The following OSBPL9 variants were observed in gnomAD, a reference collection of about 807,000 sequenced individuals.
OSBPL9 encodes the protein oxysterol binding protein like 9, also known as oxysterol-binding protein-related protein 9.
Under a neutral mutation model 106.6 loss-of-function variants are expected in OSBPL9, and 40 were observed. The ratio of observed to expected loss-of-function variants is 0.38; its 90% confidence interval spans 0.29 to 0.49. The LOEUF is 0.49. Ranked by LOEUF, OSBPL9 falls within the 20% of genes least tolerant of loss-of-function variation. OSBPL9 has a pLI of 0.97. For synonymous variants in OSBPL9, 269 were observed against 295.4 expected, an observed-to-expected ratio of 0.91 and a Z score of 0.92; for missense variants, 609 against 887.2, an observed-to-expected ratio of 0.69 and a Z score of 3.98.
intron 2 of OSBPL9, among the ~76,000 whole-genome samples, chr1:51,653,753 C>A (rs933014410): frequency 6.6e-6 from 1 of 152,210 alleles, no homozygotes; most frequent in Non-Finnish European, 1.5e-5. Flanking sequence ...AATCCCAACA[C>A]TGGGAGACCG....
the OSBPL9 span, among the ~76,000 whole-genome samples, chr1:51,544,461 T>C: frequency 6.6e-6 from 1 of 152,222 alleles, no homozygotes; most frequent in Non-Finnish European, 1.5e-5. Context: ...TAACCCTTGC[T>C]TCAGCAACAT....
At chr1:51,698,954 G>A (rs1656668847) in intron 3 of OSBPL9, among the ~76,000 whole-genome samples, 1 of 152,066 alleles carries the variant, frequency 6.6e-6, no homozygotes, top group Non-Finnish European at 1.5e-5. Context: ...TTTTCTATTA[G>A]ATCCATTAGA....
At chr1:51,544,562 G>C in the OSBPL9 span, among the ~76,000 whole-genome samples, 1 of 152,072 alleles carries the variant, frequency 6.6e-6, no homozygotes, top group Admixed American at 6.6e-5. Flanking sequence ...TGTTGAGAGA[G>C]AGAAGCTCTC....
At chr1:51,673,159 G>T (rs868819359) in intron 3 of OSBPL9, among the ~76,000 whole-genome samples, 4 of 152,196 alleles carry the variant, frequency 2.6e-5, no homozygotes, top group African/African-American at 4.8e-5. Context: ...CCAAATGAAT[G>T]TGGTACTTTG....
chr1:51,775,185 T>C (rs1674772240), intron 14 of OSBPL9, among the ~76,000 whole-genome samples: 1 of 152,220 alleles, frequency 6.6e-6, no homozygotes, highest in Non-Finnish European at 1.5e-5. Flanking sequence ...ATTTAAATGC[T>C]GAGAGTCTGA....
At chr1:51,674,790 G>A (rs772593733) in intron 3 of OSBPL9, among the ~76,000 whole-genome samples, 3 of 152,134 alleles carry the variant, frequency 2.0e-5, no homozygotes, top group Non-Finnish European at 4.4e-5. Context: ...TCAGTATTGA[G>A]TCCAGTAACA....
rs1030731531 is a variant in OSBPL9 at position 51,607,162 on chromosome 1, T to C, written c.-352-7143T>C. Reference sequence around the variant, plus strand: ...CAGATGTTTTTCTTTTCTTTTCTTTTTCTTTTTTTTTTTTTTTTTGAGACA... The same window carrying C: ...CAGATGTTTTTCTTTTCTTTTCTTTCTCTTTTTTTTTTTTTTTTTGAGACA... On this transcript the variant is annotated intron_variant, in intron 2 of 25. Transcript: ENST00000371714. Among the ~76,000 whole-genome samples the C allele has an allele frequency of 1.2e-3, 175 of 150,280 alleles. 1 individual carries two copies. Among genetic ancestry groups the C allele is most frequent in the African/African-American group, 4.0e-3 (165 of 40,876 alleles).
chr1:51,567,949 C>T, the OSBPL9 span: 3 of 152,210 alleles, frequency 2.0e-5, no homozygotes, highest in Non-Finnish European at 4.4e-5. Flanking sequence ...ATCAGAGTCC[C>T]AGCAGGATAT....
the OSBPL9 span, among the ~76,000 whole-genome samples, chr1:51,552,299 T>C: frequency 6.6e-6 from 1 of 152,216 alleles, no homozygotes; most frequent in Non-Finnish European, 1.5e-5. Context: ...GAACAGGTAC[T>C]CAAGTACTTG....
At chr1:51,645,740 T>A (rs887411351) in intron 1 of OSBPL9, among the ~76,000 whole-genome samples, 1 of 152,216 alleles carries the variant, frequency 6.6e-6, no homozygotes, top group East Asian at 1.9e-4. Context: ...CGTTTTTACC[T>A]AAGAACTTAA....
chr1:51,784,414 C>A, intron 19 of OSBPL9, 28 bp from the exon 20 acceptor site: 1 of 1,613,744 alleles, frequency 6.2e-7, no homozygotes, highest in Non-Finnish European at 8.5e-7. Context: ...TAACTGTCAA[C>A]CTTACCTAAA....
intron 2 of OSBPL9, among the ~76,000 whole-genome samples, chr1:51,609,201 T>C (rs1643968766): frequency 6.6e-6 from 1 of 152,164 alleles, no homozygotes; most frequent in Admixed American, 6.5e-5. Flanking sequence ...TAATTATTGA[T>C]TCTTAATCTT....
At chr1:51,571,781 C>T in the OSBPL9 span, among the ~76,000 whole-genome samples, 1 of 152,200 alleles carries the variant, frequency 6.6e-6, no homozygotes, top group Non-Finnish European at 1.5e-5. Flanking sequence ...AGGCAAAGAG[C>T]ACCGAACCTG....
chr1:51,621,632 T>A (rs1392413989), intron 1 of OSBPL9, among the ~76,000 whole-genome samples: 1 of 152,218 alleles, frequency 6.6e-6, no homozygotes, highest in Non-Finnish European at 1.5e-5. Flanking sequence ...TTTCCTAGAA[T>A]GTCGCAAACA....
At chr1:51,689,196 GGT>G (rs781779628) in intron 3 of OSBPL9, among the ~76,000 whole-genome samples, 10 of 152,122 alleles carry the variant, frequency 6.6e-5, no homozygotes, top group South Asian at 2.1e-4. Context: ...AATCAGTCAT[GGT>G]AATTTCTTAT....
chr1:51,673,716 A>G (rs1028377782), intron 3 of OSBPL9, among the ~76,000 whole-genome samples: 13 of 152,180 alleles, frequency 8.5e-5, no homozygotes, highest in African/African-American at 1.4e-4. Flanking sequence ...TAAAAAATCT[A>G]TAGGAACTGG....
chr1:51,580,345 A>G (rs985989370), intron 1 of OSBPL9, among the ~76,000 whole-genome samples: 5 of 152,264 alleles, frequency 3.3e-5, no homozygotes, highest in African/African-American at 1.2e-4. Flanking sequence ...TTCTGTGCAG[A>G]TAGTAGGTGC....
intron 1 of OSBPL9, among the ~76,000 whole-genome samples, chr1:51,588,080 T>A (rs574951232): frequency 2.0e-5 from 3 of 152,244 alleles, no homozygotes; most frequent in African/African-American, 7.2e-5. Context: ...TCAGTAAAAT[T>A]ATGTATACAG....
chr1:51,668,746 G>A lies in OSBPL9; in HGVS notation c.163-688G>A, dbSNP rs530469666. Among the ~76,000 whole-genome samples, 398 of 152,306 alleles carry A rather than the reference G, an allele frequency of 2.6e-3. 1 individual carries two copies. The highest frequency in any genetic ancestry group is 9.1e-3 in the African/African-American group (378 of 41,562). On this transcript the variant is annotated intron_variant, in intron 2 of 23. Transcript: ENST00000428468. The stretch of plus-strand genomic sequence containing the variant: ...ATTGTGTGTGCCTGCCCACCCCCCA[G>A]TTTGGAGAGTTGTTTGTGCTCTTAT...
Sources: allele counts gnomAD v4.1 joint callset (sites outside exome capture counted in the v4.1 genomes callset), GRCh38; gene constraint gnomAD v4.1.1; transcripts MANE v1.5; gene names NCBI Gene and HGNC (gene_info 2026-07-23, HGNC 2026-07-21).